The following FAT3 variants were observed in gnomAD, a reference collection of about 807,000 sequenced individuals.
FAT3 encodes the protein protocadherin Fat 3.
Under a neutral mutation model 310.2 loss-of-function variants are expected in FAT3, and 95 were observed. The observed-to-expected ratio is 0.31, with a 90% CI of 0.26 to 0.36. The LOEUF is 0.36. Among genes scored for constraint, FAT3 ranks in the 10% least tolerant of loss-of-function variants. FAT3 has a pLI of 1.00. For synonymous variants in FAT3, 2,314 were observed against 2,192.9 expected, an observed-to-expected ratio of 1.06 and a Z score of -1.54; for missense variants, 5,408 against 5,715.6, an observed-to-expected ratio of 0.95 and a Z score of 1.74.
chr11:92,360,042 G>A (rs934453324), intron 2 of FAT3, among the ~76,000 whole-genome samples: 1 of 151,892 alleles, frequency 6.6e-6, no homozygotes, highest in Non-Finnish European at 1.5e-5. Context: ...CTAGATCCCT[G>A]AGGAATCGCT....
chr11:92,597,977 G>T (rs537322428), intron 3 of FAT3, among the ~76,000 whole-genome samples: 16 of 152,130 alleles, frequency 1.1e-4, no homozygotes, highest in Admixed American at 2.6e-4. Context: ...TTCTGATGGG[G>T]ATTGGGGAAT....
intron 1 of FAT3, among the ~76,000 whole-genome samples, chr11:92,283,627 C>A (rs1946485517): frequency 6.6e-6 from 1 of 152,140 alleles, no homozygotes; most frequent in Non-Finnish European, 1.5e-5. Flanking sequence ...AATTCAGGAA[C>A]AACTAAAAGC....
At chr11:92,492,241 TTCCATCCA>T (rs58384100) in intron 2 of FAT3, among the ~76,000 whole-genome samples, 2,828 of 148,828 alleles carry the variant, frequency 0.019, 61 homozygotes, top group African/African-American at 0.056. Flanking sequence ...ATATATATAT[TTCCATCCA>T]TCCATCCATC....
chr11:92,655,737 GTATTCAGC>G (rs764537760), intron 3 of FAT3, among the ~76,000 whole-genome samples: 49 of 152,066 alleles, frequency 3.2e-4, no homozygotes, highest in Admixed American at 5.2e-4. Context: ...CTCTCTGCCT[GTATTCAGC>G]TATTCAACGT....
At chr11:92,618,384 C>A (rs1015078533) in intron 3 of FAT3, among the ~76,000 whole-genome samples, 6 of 152,196 alleles carry the variant, frequency 3.9e-5, no homozygotes, top group Non-Finnish European at 8.8e-5. Flanking sequence ...TCTGTCATGG[C>A]TTTCCTTGGC....
intron 2 of FAT3, among the ~76,000 whole-genome samples, chr11:92,507,552 G>GTA (rs569696060): frequency 1.8e-4 from 27 of 151,446 alleles, no homozygotes; most frequent in East Asian, 5.9e-4. Context: ...TATATAGGGT[G>GTA]TATATATATA....
chr11:92,835,220 G>A (rs766128893), intron 15 of FAT3, 136 bp downstream of exon 15: 13 of 658,088 alleles, frequency 2.0e-5, no homozygotes, highest in Admixed American at 6.5e-5. Context: ...CCAAGAATAG[G>A]AGCCATCTTT....
intron 2 of FAT3, among the ~76,000 whole-genome samples, chr11:92,438,106 T>C (rs1463216749): frequency 6.6e-6 from 1 of 152,036 alleles, no homozygotes; most frequent in African/African-American, 2.4e-5. Flanking sequence ...ATATAATGAT[T>C]AAAAAACAAG....
intron 2 of FAT3, among the ~76,000 whole-genome samples, chr11:92,471,807 T>C (rs1246289437): frequency 6.6e-6 from 1 of 151,766 alleles, no homozygotes; most frequent in African/African-American, 2.4e-5. Flanking sequence ...TTGAATATTA[T>C]ACATCTGTGA....
intron 22 of FAT3, among the ~76,000 whole-genome samples, chr11:92,879,450 C>A (rs1591845641): frequency 6.6e-6 from 1 of 152,088 alleles, no homozygotes; most frequent in Admixed American, 6.5e-5. Flanking sequence ...CTCGGAGAGA[C>A]CGGGTTGGTG....
At chr11:92,841,583 T>C (rs1276365265) in intron 18 of FAT3, among the ~76,000 whole-genome samples, 2 of 152,220 alleles carry the variant, frequency 1.3e-5, no homozygotes, top group African/African-American at 4.8e-5. Flanking sequence ...CATCTGCTCC[T>C]CCAACAATAT....
chr11:92,819,928 T>G (rs1266511557), intron 13 of FAT3, among the ~76,000 whole-genome samples: 1 of 152,212 alleles, frequency 6.6e-6, no homozygotes, highest in Non-Finnish European at 1.5e-5. Flanking sequence ...TCCTCCGTTA[T>G]GGTAGCAGCC....
chr11:92,350,143 A>G (rs1454509629), intron 1 of FAT3, among the ~76,000 whole-genome samples: 1 of 152,112 alleles, frequency 6.6e-6, no homozygotes, highest in East Asian at 1.9e-4. Flanking sequence ...AGCCAGTAAA[A>G]TTAATCAAGG....
At chr11:92,323,253 G>A (rs1348927082) in intron 1 of FAT3, among the ~76,000 whole-genome samples, 11 of 151,576 alleles carry the variant, frequency 7.3e-5, no homozygotes, top group African/African-American at 2.2e-4. Flanking sequence ...GTATGTGTGT[G>A]TATATATATA....
intron 2 of FAT3, among the ~76,000 whole-genome samples, chr11:92,448,627 A>C (rs7125792): frequency 0.15 from 22,369 of 152,160 alleles, 2,892 homozygotes; most frequent in African/African-American, 0.35. Context: ...GGATTCAAAT[A>C]GCATTTCTTG....
At chr11:92,597,020 C>T (rs533363295) in intron 3 of FAT3, among the ~76,000 whole-genome samples, 1 of 152,248 alleles carries the variant, frequency 6.6e-6, no homozygotes, top group Non-Finnish European at 1.5e-5. Context: ...TCTCCATATC[C>T]CTGTCTCATT....
intron 2 of FAT3, among the ~76,000 whole-genome samples, chr11:92,496,300 C>T (rs1952760684): frequency 1.3e-5 from 2 of 152,026 alleles, no homozygotes; most frequent in Non-Finnish European, 2.9e-5. Context: ...TGCATGAATA[C>T]AATATAGTGT....
At position 92,892,425 on chromosome 11, in the gene FAT3, T is replaced by C. The variant is rs112138059; in HGVS notation, c.*1312T>C. 1 of 151,994 alleles carries C rather than the reference T, an allele frequency of 6.6e-6. No homozygotes were observed. Among genetic ancestry groups the C allele is most frequent in the Non-Finnish European group, 1.5e-5 (1 of 68,008 alleles). 9.4% of individuals were successfully genotyped at this position (151,994 alleles called of 1,614,324 possible). On this transcript the variant is annotated 3_prime_UTR_variant, in exon 28 of 28. Coordinates refer to ENST00000525166, the MANE Select transcript of FAT3 (RefSeq NM_001367949.2). The stretch of plus-strand genomic sequence containing the variant: ...AGCAAAATTGTGCTTTTTTTTTTTT[T>C]TCTCAAGACAGAGTCTTGCTCTGTC...
At chr11:92,667,580 G>T (rs1365859879) in intron 3 of FAT3, among the ~76,000 whole-genome samples, 1 of 152,142 alleles carries the variant, frequency 6.6e-6, no homozygotes, top group Non-Finnish European at 1.5e-5. Context: ...TATTGAATGG[G>T]GCTGCCTGCA....
Sources: allele counts gnomAD v4.1 joint callset (sites outside exome capture counted in the v4.1 genomes callset), GRCh38; gene constraint gnomAD v4.1.1; transcripts MANE v1.5; gene names NCBI Gene and HGNC (gene_info 2026-07-23, HGNC 2026-07-21).